The following CES5A variants were observed in gnomAD, a reference collection of about 807,000 sequenced individuals.
CES5A encodes the protein carboxylesterase 5A.
A neutral mutation model predicts 62.9 loss-of-function variants in CES5A; 67 were observed. The observed-to-expected ratio is 1.07, with a 90% CI of 0.88 to 1.31. The LOEUF (loss-of-function observed/expected upper bound fraction) is 1.31, where lower values mean the gene tolerates loss of function less well. Among genes scored for constraint, CES5A ranks in the 50% most tolerant of loss-of-function variants. The pLI is 0.00. For missense variants in CES5A, 748 were observed against 708.5 expected, an observed-to-expected ratio of 1.06 and a Z score of -0.63; for synonymous variants, 296 against 280.8, an observed-to-expected ratio of 1.05 and a Z score of -0.54.
intron 1 of CES5A, 148 bp downstream of exon 1, chr16:55,875,001 G>A: frequency 1.2e-6 from 1 of 853,542 alleles, no homozygotes; most frequent in South Asian, 1.4e-5. Context: ...TAGGTTCTCG[G>A]CAACAGCAGA....
intron 2 of CES5A, among the ~76,000 whole-genome samples, chr16:55,948,454 G>C (rs1414690067): frequency 6.6e-6 from 1 of 152,144 alleles, no homozygotes; most frequent in Non-Finnish European, 1.5e-5. Context: ...ATTCATCTCG[G>C]GGTAGGCGGT....
At chr16:55,938,825 T>C (rs182341336) in intron 2 of CES5A, among the ~76,000 whole-genome samples, 69 of 110,126 alleles carry the variant, frequency 6.3e-4, no homozygotes, top group African/African-American at 1.5e-3. Flanking sequence ...TACACACACA[T>C]ATATATATAT....
At chr16:55,900,020 G>A (rs1190987375) in intron 1 of CES5A, among the ~76,000 whole-genome samples, 4 of 152,108 alleles carry the variant, frequency 2.6e-5, no homozygotes, top group South Asian at 2.1e-4. Flanking sequence ...TGGCAGCCAC[G>A]TGGCCCAGAG....
In CES5A at chr16:55,861,540, T is replaced by A. The variant is rs59370196; in HGVS notation, c.811-24A>T. The A allele has an allele frequency of 2.4e-3, 3,625 of 1,518,664 alleles. 63 individuals carry two copies. In the African/African-American group the frequency reaches 0.042, roughly 17 times the overall value. 94.1% of individuals were successfully genotyped at this position (1,518,664 alleles called of 1,614,324 possible). A position where few individuals can be genotyped will look rare whatever the true frequency, so the allele number is the denominator to read the frequency against. ...AGCTATTTTGTAGAGAAGGACCGGG[T>A]TAGAGCATGATATTGAAAGCATCTA... On this transcript the variant is annotated intron_variant, in intron 6 of 12. Coordinates refer to ENST00000290567, the MANE Select transcript of CES5A (RefSeq NM_001143685.2).
At chr16:55,920,438 G>A (rs1275873773) in intron 1 of CES5A, among the ~76,000 whole-genome samples, 1 of 152,176 alleles carries the variant, frequency 6.6e-6, no homozygotes, top group Non-Finnish European at 1.5e-5. Flanking sequence ...CACACTGCAG[G>A]AGGTTTGTCC....
At chr16:55,872,577 G>A (rs1438674408) in intron 2 of CES5A, among the ~76,000 whole-genome samples, 2 of 152,206 alleles carry the variant, frequency 1.3e-5, no homozygotes, top group African/African-American at 2.4e-5. Context: ...AAGCAAGGCT[G>A]TAAATGTGAA....
intron 2 of CES5A, among the ~76,000 whole-genome samples, chr16:55,948,436 G>A (rs1293595523): frequency 1.3e-5 from 2 of 152,092 alleles, no homozygotes; most frequent in African/African-American, 2.4e-5. Flanking sequence ...GGAAGAAGTC[G>A]AATATAAATT....
chr16:55,846,539 A>G lies in CES5A; in HGVS notation c.1640T>C (p.Leu547Pro). 6.2e-7 allele frequency: 1 copy of G among 1,614,196 alleles called. No individual in the cohort carries two copies. Among genetic ancestry groups the G allele is most frequent in the Non-Finnish European group, 8.5e-7 (1 of 1,180,026 alleles). The change falls in exon 13 of 13, where the codon CTG becomes CCG. Residue 547 changes from leucine (L) to proline (P), a missense_variant. Coordinates refer to ENST00000290567, the MANE Select transcript of CES5A (RefSeq NM_001143685.2). ...DFWTSTIPLI[L>P]SASDMLHSPL... ...ACTGTGGAGCATGTCGGAGGCAGAC[A>G]GGATCAGGGGGATGGTGCTGGTCCA...
At chr16:55,860,209 A>G (rs2033326347) in intron 7 of CES5A, among the ~76,000 whole-genome samples, 1 of 151,960 alleles carries the variant, frequency 6.6e-6, no homozygotes, top group African/African-American at 2.4e-5. Flanking sequence ...TTCACCCTCT[A>G]CCATGATTGT....
intron 2 of CES5A, among the ~76,000 whole-genome samples, chr16:55,932,258 G>C (rs1303012433): frequency 6.6e-6 from 1 of 152,094 alleles, no homozygotes; most frequent in East Asian, 1.9e-4. Flanking sequence ...CAGCAAGAAG[G>C]CCCTCACCAG....
upstream of CES5A, among the ~76,000 whole-genome samples, chr16:55,929,986 G>A (rs2034293159): frequency 6.6e-6 from 1 of 151,988 alleles, no homozygotes; most frequent in African/African-American, 2.4e-5. Context: ...GCCCAGCAGT[G>A]GCTCCCCAAT....
chr16:55,851,876 G>C (rs2033140642), intron 10 of CES5A, among the ~76,000 whole-genome samples: 1 of 152,198 alleles, frequency 6.6e-6, no homozygotes, highest in Non-Finnish European at 1.5e-5. Flanking sequence ...AGGAAATTCT[G>C]ATGTATAGTA....
chr16:55,926,903 G>T (rs113770286), upstream of CES5A, among the ~76,000 whole-genome samples: 2 of 152,268 alleles, frequency 1.3e-5, no homozygotes, highest in East Asian at 3.9e-4. Context: ...CCATCGCTTT[G>T]ATTGTGCATT....
chr16:55,853,844 G>C (rs553580479), intron 9 of CES5A, among the ~76,000 whole-genome samples: 1 of 152,324 alleles, frequency 6.6e-6, no homozygotes, highest in East Asian at 1.9e-4. Flanking sequence ...TCTAGGAAAT[G>C]CTGGAAAGGT....
chr16:55,939,931 A>C (rs2034429304), intron 2 of CES5A, among the ~76,000 whole-genome samples: 2 of 152,140 alleles, frequency 1.3e-5, no homozygotes, highest in African/African-American at 4.8e-5. Context: ...TTCATAGGTC[A>C]AAAAAGAAGC....
intron 1 of CES5A, among the ~76,000 whole-genome samples, chr16:55,917,762 G>A (rs956157565): frequency 1.3e-5 from 2 of 152,190 alleles, no homozygotes; most frequent in African/African-American, 4.8e-5. Flanking sequence ...CTCAAGGATA[G>A]CGAATTACAG....
chr16:55,948,474 G>T (rs1336700713), intron 2 of CES5A, among the ~76,000 whole-genome samples: 1 of 152,024 alleles, frequency 6.6e-6, no homozygotes, highest in Non-Finnish European at 1.5e-5. Context: ...TGGAAGGGGG[G>T]TAAAATTTCT....
intron 1 of CES5A, among the ~76,000 whole-genome samples, chr16:55,893,195 C>T (rs1024357217): frequency 6.6e-6 from 1 of 152,188 alleles, no homozygotes; most frequent in East Asian, 1.9e-4. Context: ...CTTGTTTCTA[C>T]ACCTTTGAGA....
chr16:55,930,093 C>T (rs2034294839), upstream of CES5A, among the ~76,000 whole-genome samples: 1 of 152,124 alleles, frequency 6.6e-6, no homozygotes, highest in African/African-American at 2.4e-5. Context: ...ATGGAACACA[C>T]CCACGTAGCC....
Sources: gnomAD v4.1 joint callset for allele counts (sites outside exome capture counted in the v4.1 genomes callset) on GRCh38, gnomAD v4.1.1 for gene constraint, MANE v1.5 for transcripts, NCBI Gene and HGNC (gene_info 2026-07-23, HGNC 2026-07-21) for gene names.